The following FGF2 variants were observed in gnomAD, a reference collection of about 807,000 sequenced individuals.
FGF2 encodes fibroblast growth factor 2.
Under a neutral mutation model 15.9 loss-of-function variants are expected in FGF2, and 13 were observed. The observed-to-expected ratio is 0.82, with a 90% confidence interval of 0.53 to 1.30. FGF2 has a LOEUF of 1.30. Ranked by LOEUF, FGF2 falls within the 50% of genes most tolerant of loss-of-function variation. The pLI, the probability that FGF2 is intolerant of heterozygous loss-of-function variation, is 0.00. For missense variants in FGF2, 163 were observed against 196.9 expected (o/e 0.83, Z 1.03); for synonymous variants, 90 against 78.4 (o/e 1.15, Z -0.78).
rs567533373 is a variant in FGF2, at chr4:122,865,510, C to T, written c.179-10811C>T. On this transcript the variant is annotated intron_variant, in intron 1 of 2. Coordinates refer to ENST00000644866, the MANE Select transcript of FGF2 (RefSeq NM_001361665.2). ...TTTGCCATGTTGGCCAGGCTGGCCT[C>T]GAACTCCTGATCTCAAGCAATCCAC... Among the ~76,000 whole-genome samples the T allele has an allele frequency of 2.6e-5, 4 of 152,196 alleles. No individual in the cohort carries two copies. The East Asian group carries it at 7.7e-4, about 29-fold the overall frequency.
chr4:122,839,601 C>T (rs1247537633), intron 1 of FGF2, among the ~76,000 whole-genome samples: 2 of 152,200 alleles, frequency 1.3e-5, no homozygotes, highest in African/African-American at 2.4e-5. Context: ...AATGGTATCA[C>T]CATCTTCCTT....
At chr4:122,853,159 G>C (rs1217812718) in intron 1 of FGF2, among the ~76,000 whole-genome samples, 1 of 152,148 alleles carries the variant, frequency 6.6e-6, no homozygotes, top group African/African-American at 2.4e-5. Flanking sequence ...TTAGCCAGGT[G>C]TGGTGGTGGG....
At position 122,894,066 on chromosome 4, in the gene FGF2, C is replaced by T. The variant is rs1727274455; in HGVS notation, c.*1670C>T. On this transcript the variant is annotated 3_prime_UTR_variant, in exon 3 of 3. Coordinates refer to ENST00000644866, the MANE Select transcript of FGF2 (RefSeq NM_001361665.2). Reference sequence around the variant, plus strand: ...AGAAGAGGAAGTCACAGAAACATGTCTCAATTCCCATGTGCTGTGACTGTA... The same window carrying T: ...AGAAGAGGAAGTCACAGAAACATGTTTCAATTCCCATGTGCTGTGACTGTA... 6.6e-6 allele frequency: 1 copy of T among 152,230 alleles called. No homozygotes were observed. Among genetic ancestry groups the T allele is most frequent in the African/African-American group, 2.4e-5 (1 of 41,470 alleles). The allele number at this position is 152,230 out of a possible 1,614,324, so 9.4% of individuals were successfully genotyped here.
intron 1 of FGF2, among the ~76,000 whole-genome samples, chr4:122,866,907 G>A (rs1726608285): frequency 6.6e-6 from 1 of 152,174 alleles, no homozygotes; most frequent in Non-Finnish European, 1.5e-5. Context: ...TATTTACGTA[G>A]CCAAAAAGTA....
Position 122,892,909 on chromosome 4 carries a change from TG to T in FGF2, c.*515del. On this transcript the variant is annotated 3_prime_UTR_variant, in exon 3 of 3. Transcript: ENST00000644866. ...TATAAAACAGTCCTGTGTAAACTGC[TG>T]GAAGTTCTTCCACAGTCAGGTCAAT... 1 of 1,614,146 alleles carries T rather than the reference TG, an allele frequency of 6.2e-7. No individual in the cohort carries two copies. Among genetic ancestry groups the T allele is most frequent in the Non-Finnish European group, 8.5e-7 (1 of 1,179,974 alleles).
chr4:122,827,332 G>T lies in FGF2; in HGVS notation c.158G>T (p.Arg53Leu), dbSNP rs893459659. 1 of 1,612,868 alleles carries T rather than the reference G, an allele frequency of 6.2e-7. No individual in the cohort carries two copies. The highest frequency in any genetic ancestry group is 1.7e-5 in the Admixed American group (1 of 60,014). The change falls in exon 1 of 3, where the codon CGG becomes CTG. Residue 53 changes from arginine to leucine, a missense_variant. Physicochemically the swap from Arg to Leu is moderately radical, Grantham distance 102 (BLOSUM62 -2). Coordinates refer to ENST00000644866, the MANE Select transcript of FGF2 (RefSeq NM_001361665.2). The surrounding 1 kb of genome is among the most constrained non-coding windows in gnomAD (Gnocchi z 4.2). ...IHPDGRVDGV[R>L]EKSDPHIKLQ... ...CCCGACGGCCGAGTTGACGGGGTCCGGGAGAAGAGCGACCCTCACAGTGAG... is the reference window on the plus strand; with the variant it reads ...CCCGACGGCCGAGTTGACGGGGTCCTGGAGAAGAGCGACCCTCACAGTGAG...
rs184274834 is a variant in FGF2 at position 122,850,218 on chromosome 4, C to G, written c.178+22866C>G. ...CGGAGGTTGCAGTGAGCCAAGATTG[C>G]ACCACTGCACTCCATCCTGGGCAAC... On this transcript the variant is annotated intron_variant, in intron 1 of 2. Coordinates refer to ENST00000644866, the MANE Select transcript of FGF2 (RefSeq NM_001361665.2). Among the ~76,000 whole-genome samples the G allele has an allele frequency of 7.3e-5, 11 of 150,906 alleles. No homozygotes were observed. The East Asian group carries it at 2.1e-3, about 29-fold the overall frequency.
intron 1 of FGF2, among the ~76,000 whole-genome samples, chr4:122,848,635 G>A (rs187659138): frequency 1.1e-3 from 175 of 152,280 alleles, no homozygotes; most frequent in African/African-American, 4.0e-3. Flanking sequence ...GGCCACAGAG[G>A]GGAATTGAGG....
At chr4:122,890,267 C>T (rs1727140127) in intron 2 of FGF2, among the ~76,000 whole-genome samples, 1 of 152,156 alleles carries the variant, frequency 6.6e-6, no homozygotes, top group African/African-American at 2.4e-5. Flanking sequence ...GTGTTTCACT[C>T]TTATCACATT....
chr4:122,841,460 A>G (rs760473519), intron 1 of FGF2, among the ~76,000 whole-genome samples: 27 of 152,212 alleles, frequency 1.8e-4, no homozygotes, highest in Non-Finnish European at 4.0e-4. Flanking sequence ...AATATTGTCT[A>G]TGGCTTTTAT....
At chr4:122,843,809 A>G (rs1463726251) in intron 1 of FGF2, among the ~76,000 whole-genome samples, 1 of 152,214 alleles carries the variant, frequency 6.6e-6, no homozygotes, top group Non-Finnish European at 1.5e-5. Flanking sequence ...TTAAAAAACC[A>G]ATGTATAAAC....
chr4:122,890,267 CTT>C (rs1458122976), intron 2 of FGF2, among the ~76,000 whole-genome samples: 1 of 152,156 alleles, frequency 6.6e-6, no homozygotes, highest in African/African-American at 2.4e-5. Flanking sequence ...GTGTTTCACT[CTT>C]ATCACATTTG....
chr4:122,860,989 T>TTG (rs146741618), intron 1 of FGF2, among the ~76,000 whole-genome samples: 2 of 152,164 alleles, frequency 1.3e-5, no homozygotes, highest in Admixed American at 6.5e-5. Context: ...TTTCCAAGTA[T>TTG]TGTGTGTGTG....
chr4:122,874,145 TGA>T (rs1726792532), intron 1 of FGF2, among the ~76,000 whole-genome samples: 1 of 152,380 alleles, frequency 6.6e-6, no homozygotes, highest in East Asian at 1.9e-4. Flanking sequence ...TACATCCTTA[TGA>T]GTTAAAGTGA....
At chr4:122,849,222 A>C (rs1398446189) in intron 1 of FGF2, among the ~76,000 whole-genome samples, 1 of 152,226 alleles carries the variant, frequency 6.6e-6, no homozygotes, top group South Asian at 2.1e-4. Context: ...TCAATGATAG[A>C]CTAGATAAAG....
intron 1 of FGF2, among the ~76,000 whole-genome samples, chr4:122,842,459 T>C (rs531050136): frequency 6.6e-6 from 1 of 152,336 alleles, no homozygotes; most frequent in African/African-American, 2.4e-5. Context: ...GAGAACCAAT[T>C]TGAACCACAT....
At chr4:122,877,536 C>T (rs1726881382) in intron 2 of FGF2, among the ~76,000 whole-genome samples, 1 of 152,166 alleles carries the variant, frequency 6.6e-6, no homozygotes, top group African/African-American at 2.4e-5. Flanking sequence ...AGAAACGGGA[C>T]TGCATATCTG....
At chr4:122,874,124 A>C (rs1480062321) in intron 1 of FGF2, among the ~76,000 whole-genome samples, 2 of 152,226 alleles carry the variant, frequency 1.3e-5, no homozygotes, top group East Asian at 3.8e-4. Flanking sequence ...GCCTTGCCTC[A>C]TGGGCATTTG....
rs79213138 is a variant in FGF2 at position 122,859,559 on chromosome 4, T to C, written c.179-16762T>C. 6.5e-3 allele frequency among the ~76,000 whole-genome samples: 993 copies of C among 152,048 alleles called. 13 individuals carry two copies. The highest frequency in any genetic ancestry group is 0.022 in the African/African-American group (921 of 41,488). ...TACAAGGATTCCTAAAAACATAATTTCCTGAATCTCAAAACAAAGCAGGTA... is the reference window on the plus strand; with the variant it reads ...TACAAGGATTCCTAAAAACATAATTCCCTGAATCTCAAAACAAAGCAGGTA... On this transcript the variant is annotated intron_variant, in intron 1 of 2. Coordinates refer to ENST00000644866, the MANE Select transcript of FGF2 (RefSeq NM_001361665.2).
Sources: allele counts gnomAD v4.1 joint callset (sites outside exome capture counted in the v4.1 genomes callset), GRCh38; gene constraint gnomAD v4.1.1; non-coding constraint Gnocchi (gnomAD v3.1); transcripts MANE v1.5; gene names NCBI Gene and HGNC (gene_info 2026-07-23, HGNC 2026-07-21).